The following PRUNE2 variants were observed in gnomAD, a reference collection of about 807,000 sequenced individuals.
The protein encoded by PRUNE2 is protein prune homolog 2.
A neutral mutation model predicts 252.0 loss-of-function variants in PRUNE2; 164 were observed. That is an observed-to-expected ratio of 0.65 (90% CI 0.57 to 0.74). The LOEUF (loss-of-function observed/expected upper bound fraction) is 0.74. Among genes scored for constraint, PRUNE2 ranks in the 30% least tolerant of loss-of-function variants. PRUNE2 has a pLI of 0.00. For missense variants in PRUNE2, 3,495 were observed against 3,711.0 expected, an observed-to-expected ratio of 0.94 and a Z score of 1.51; for synonymous variants, 1,292 against 1,350.2, an observed-to-expected ratio of 0.96 and a Z score of 0.94.
rs114035106 is a variant in PRUNE2, at chr9:76,652,291, G to A, written c.8557+192C>T. ...GGGGTTAATAAAGAGCAATGGTTAT[G>A]TATGGCCTCTGTGACCCATACTTTC... On this transcript the variant is annotated intron_variant, in intron 11 of 18. Transcript: ENST00000376718. 1.9e-3 allele frequency: 1,111 copies of A among 580,248 alleles called. 12 individuals are homozygous for A. The highest frequency in any genetic ancestry group is 0.019 in the African/African-American group (1,009 of 53,606). The allele number at this position is 580,248 out of a possible 1,614,324, so 35.9% of individuals were successfully genotyped here.
chr9:76,849,840 A>AAACAG (rs1035140301), intron 3 of PRUNE2, among the ~76,000 whole-genome samples: 1 of 151,966 alleles, frequency 6.6e-6, no homozygotes, highest in African/African-American at 2.4e-5. Context: ...AAACAAAACA[A>AAACAG]AACAAAACAA....
Position 76,613,955 on chromosome 9 carries a change from A to G in PRUNE2, c.*615T>C, listed in dbSNP as rs1828251864. On this transcript the variant is annotated 3_prime_UTR_variant, in exon 19 of 19. Coordinates refer to ENST00000376718, the MANE Select transcript of PRUNE2 (RefSeq NM_015225.3). ...CAATTTACATAAAATATAATGCCCA[A>G]TTTGACAACTAAAATAAAGTTGACG... The G allele has an allele frequency of 6.6e-6, 1 of 152,226 alleles. No homozygotes were observed. The highest frequency in any genetic ancestry group is 1.5e-5 in the Non-Finnish European group (1 of 68,042). The allele number at this position is 152,226 out of a possible 1,614,324, so 9.4% of individuals were successfully genotyped here. A position where few individuals can be genotyped will look rare whatever the true frequency, so the allele number is the denominator to read the frequency against.
At chr9:76,638,419 T>A (rs1035120615) in intron 12 of PRUNE2, 131 bp from the exon 13 acceptor site, 1 of 644,058 alleles carries the variant, frequency 1.6e-6, no homozygotes, top group Admixed American at 2.4e-5. Context: ...GAAATGGGGA[T>A]TATGTTGACT....
chr9:76,708,952 C>A lies in PRUNE2; in HGVS notation c.3322G>T (p.Ala1108Ser). The change falls in exon 8 of 19, where the codon GCC (alanine) becomes TCC (serine). Residue 1108 changes from alanine (A) to serine (S), a missense_variant. By Grantham distance (99) the Ala-to-Ser change is moderately conservative (BLOSUM62 1). Coordinates refer to ENST00000376718, the MANE Select transcript of PRUNE2 (RefSeq NM_015225.3). ...LHSSTNSRQT[A>S]PDSLDLWNRV... ...TTCCACAAGTCGAGACTGTCAGGGGCCGTCTGCCGGGAGTTGGTGCTGCTG... is the reference window on the plus strand; with the variant it reads ...TTCCACAAGTCGAGACTGTCAGGGGACGTCTGCCGGGAGTTGGTGCTGCTG... 1.2e-6 allele frequency: 2 copies of A among 1,613,964 alleles called. No individual in the cohort carries two copies. The highest frequency in any genetic ancestry group is 1.1e-5 in the South Asian group (1 of 91,080).
At chr9:76,660,073 C>T (rs1012988932) in intron 9 of PRUNE2, among the ~76,000 whole-genome samples, 1 of 151,976 alleles carries the variant, frequency 6.6e-6, no homozygotes, top group Non-Finnish European at 1.5e-5. Context: ...GTTACTAATA[C>T]ATTTCCAAGC....
chr9:76,741,646 G>A (rs1319418374), intron 6 of PRUNE2, among the ~76,000 whole-genome samples: 2 of 152,084 alleles, frequency 1.3e-5, no homozygotes, highest in Non-Finnish European at 2.9e-5. Context: ...ACCATCAAAC[G>A]CCTCCATTTA....
rs1349749612 is a variant in PRUNE2 at position 76,611,449 on chromosome 9, A to G, written c.*3121T>C. ...ATATTGTGTCATTAAAGACTTTTAT[A>G]TTATTAATCTACATTATGGAGAATT... On this transcript the variant is annotated 3_prime_UTR_variant, in exon 19 of 19. Coordinates refer to ENST00000376718, the MANE Select transcript of PRUNE2 (RefSeq NM_015225.3). 1 of 152,234 alleles carries G rather than the reference A, an allele frequency of 6.6e-6. No individual in the cohort carries two copies. Among genetic ancestry groups the G allele is most frequent in the East Asian group, 1.9e-4 (1 of 5,204 alleles). 9.4% of individuals were successfully genotyped at this position (152,234 alleles called of 1,614,324 possible).
chr9:76,774,459 T>TA (rs759627070), intron 6 of PRUNE2, among the ~76,000 whole-genome samples: 43,636 of 138,868 alleles, frequency 0.31, 8,916 homozygotes, highest in African/African-American at 0.49. Flanking sequence ...CCTTTTTTTT[T>TA]TTTTTTTTTT....
intron 6 of PRUNE2, among the ~76,000 whole-genome samples, chr9:76,780,473 G>A (rs1057053559): frequency 2.0e-5 from 3 of 152,052 alleles, no homozygotes; most frequent in Non-Finnish European, 2.9e-5. Context: ...GGATCACGAG[G>A]CCAGGAGATC....
At chr9:76,679,415 A>G (rs1000613375) in intron 9 of PRUNE2, among the ~76,000 whole-genome samples, 2 of 152,222 alleles carry the variant, frequency 1.3e-5, no homozygotes, top group Non-Finnish European at 2.9e-5. Context: ...TTGAAAAAGA[A>G]TAAAGCTGGA....
intron 6 of PRUNE2, among the ~76,000 whole-genome samples, chr9:76,723,909 G>A (rs989585195): frequency 1.3e-5 from 2 of 150,242 alleles, no homozygotes; most frequent in South Asian, 4.2e-4. Context: ...CTGGGTTCAC[G>A]CCCTTCTCCT....
intron 6 of PRUNE2, among the ~76,000 whole-genome samples, chr9:76,817,592 G>A (rs1324590921): frequency 6.6e-6 from 1 of 152,174 alleles, no homozygotes; most frequent in Non-Finnish European, 1.5e-5. Flanking sequence ...ATAAACTGGA[G>A]ATGTCCTCCT....
At chr9:76,638,111 TA>T (rs1840935536) in intron 13 of PRUNE2, 74 bp downstream of exon 13, 2 of 882,436 alleles carry the variant, frequency 2.3e-6, no homozygotes, top group African/African-American at 3.3e-5. Context: ...CTATTTTCTT[TA>T]ATTAAAGGTG....
Position 76,898,157 on chromosome 9 carries a change from C to T in PRUNE2, c.36+7771G>A, listed in dbSNP as rs138676573. Among the ~76,000 whole-genome samples the T allele has an allele frequency of 7.7e-3, 1,176 of 152,332 alleles. 20 individuals carry two copies. Among genetic ancestry groups the T allele is most frequent in the African/African-American group, 0.026 (1,090 of 41,568 alleles). On this transcript the variant is annotated intron_variant, in intron 1 of 18. Transcript: ENST00000376718. The stretch of plus-strand genomic sequence containing the variant: ...GCACTGGCTCCACATGATTAGCCGC[C>T]CGGCTGTACTGCCTTTAGGGGGCAA...
chr9:76,815,899 G>A (rs533564073), intron 6 of PRUNE2, among the ~76,000 whole-genome samples: 8 of 152,192 alleles, frequency 5.3e-5, no homozygotes, highest in East Asian at 1.9e-4. Context: ...GGTGGCTCAC[G>A]CCTGTAATCC....
intron 6 of PRUNE2, among the ~76,000 whole-genome samples, chr9:76,811,622 A>G (rs940506427): frequency 6.6e-6 from 1 of 152,332 alleles, no homozygotes; most frequent in South Asian, 2.1e-4. Context: ...CTCCTGCTCA[A>G]GGATTTCAAT....
At chr9:76,877,371 TG>T (rs1231173174) in intron 1 of PRUNE2, among the ~76,000 whole-genome samples, 1 of 151,996 alleles carries the variant, frequency 6.6e-6, no homozygotes, top group Non-Finnish European at 1.5e-5. Flanking sequence ...CCGGGTGTGG[TG>T]GCAGTCACCT....
chr9:76,624,429 G>T, intron 17 of PRUNE2, 23 bp downstream of exon 17: 2 of 1,400,574 alleles, frequency 1.4e-6, no homozygotes, highest in African/African-American at 1.5e-5. Context: ...CATGCCAGCC[G>T]CTAAACGAAA....
At chr9:76,642,664 A>G (rs1843069185) in intron 12 of PRUNE2, among the ~76,000 whole-genome samples, 1 of 152,242 alleles carries the variant, frequency 6.6e-6, no homozygotes, top group South Asian at 2.1e-4. Flanking sequence ...GCCGAAGGAC[A>G]AACTCAGTAG....
Sources: allele counts gnomAD v4.1 joint callset (sites outside exome capture counted in the v4.1 genomes callset), GRCh38; gene constraint gnomAD v4.1.1; transcripts MANE v1.5; gene names NCBI Gene and HGNC (gene_info 2026-07-23, HGNC 2026-07-21).